Variants in ZCCHC7 observed in about 807,000 individuals in gnomAD.
ZCCHC7 encodes the protein zinc finger CCHC-type containing 7.
ZCCHC7 carries 35 observed loss-of-function variants against 52.0 expected under a neutral mutation model. The ratio of observed to expected loss-of-function variants is 0.67; its 90% CI spans 0.51 to 0.89. The LOEUF is 0.89. ZCCHC7 is among the 40% of genes least tolerant of loss of function. The probability of loss-of-function intolerance (pLI) is 0.00; values close to 1 mark genes in which losing one functional copy is unlikely to be tolerated. For synonymous variants in ZCCHC7, 217 were observed against 221.5 expected (o/e 0.98, Z 0.18); for missense variants, 574 against 649.1 (o/e 0.88, Z 1.26).
chr9:37,177,579 A>C (rs1038431850), intron 2 of ZCCHC7, among the ~76,000 whole-genome samples: 1 of 152,204 alleles, frequency 6.6e-6, no homozygotes, highest in Non-Finnish European at 1.5e-5. Flanking sequence ...GGAGATTATG[A>C]AGTTCAGAAA....
In ZCCHC7 at chr9:37,246,821, G is replaced by A. The variant is rs1192645079; in HGVS notation, c.611-55367G>A. Reference sequence around the variant, plus strand: ...GGAGCATCCATAGATTTTGGTAGCTGAGGCATCTTGGAACCTTGGAACCTC... The same window carrying A: ...GGAGCATCCATAGATTTTGGTAGCTAAGGCATCTTGGAACCTTGGAACCTC... On this transcript the variant is annotated intron_variant, in intron 2 of 8. Transcript: ENST00000336755. Among the ~76,000 whole-genome samples the A allele has an allele frequency of 2.0e-5, 3 of 152,108 alleles. No homozygotes were observed. The South Asian group carries it at 6.2e-4, about 32-fold the overall frequency.
intron 2 of ZCCHC7, among the ~76,000 whole-genome samples, chr9:37,283,567 CTAT>C (rs1828072069): frequency 6.6e-6 from 1 of 151,980 alleles, no homozygotes; most frequent in Non-Finnish European, 1.5e-5. Context: ...TCCTGTTTTC[CTAT>C]TATGACTTTA....
chr9:37,254,837 C>T (rs201229477), intron 2 of ZCCHC7, among the ~76,000 whole-genome samples: 653 of 93,440 alleles, frequency 7.0e-3, no homozygotes, highest in Middle Eastern at 0.021. Flanking sequence ...CAAAAAGTTT[C>T]TTTTTTTTTT....
At chr9:37,202,989 G>A (rs1237265765) in intron 2 of ZCCHC7, among the ~76,000 whole-genome samples, 1 of 152,336 alleles carries the variant, frequency 6.6e-6, no homozygotes, top group East Asian at 1.9e-4. Flanking sequence ...TTCAGCCAAA[G>A]TTTTACAAAA....
intron 2 of ZCCHC7, among the ~76,000 whole-genome samples, chr9:37,159,060 A>C (rs1047373893): frequency 6.6e-6 from 1 of 152,206 alleles, no homozygotes; most frequent in African/African-American, 2.4e-5. Context: ...TCAGAAATAA[A>C]GTTTAGAGAT....
chr9:37,226,222 G>A (rs982965855), intron 2 of ZCCHC7, among the ~76,000 whole-genome samples: 1 of 152,116 alleles, frequency 6.6e-6, no homozygotes, highest in Admixed American at 6.5e-5. Flanking sequence ...AATATTAATA[G>A]TAATCATAGC....
chr9:37,210,427 C>G (rs950064872), intron 2 of ZCCHC7, among the ~76,000 whole-genome samples: 16 of 152,174 alleles, frequency 1.1e-4, no homozygotes, highest in Non-Finnish European at 4.4e-5. Context: ...AGCCCTCATA[C>G]TGTTCATCCT....
At chr9:37,338,377 G>A (rs1335709672) in intron 6 of ZCCHC7, among the ~76,000 whole-genome samples, 3 of 152,080 alleles carry the variant, frequency 2.0e-5, no homozygotes, top group African/African-American at 7.2e-5. Context: ...CTTTAATGTA[G>A]TTTTCGATTT....
At chr9:37,328,246 C>T (rs1304864812) in intron 6 of ZCCHC7, among the ~76,000 whole-genome samples, 1 of 151,948 alleles carries the variant, frequency 6.6e-6, no homozygotes, top group Non-Finnish European at 1.5e-5. Flanking sequence ...TGATATTTTT[C>T]AATGAACCTA....
At chr9:37,145,255 G>A (rs1384843309) in intron 2 of ZCCHC7, among the ~76,000 whole-genome samples, 1 of 151,748 alleles carries the variant, frequency 6.6e-6, no homozygotes, top group Non-Finnish European at 1.5e-5. Context: ...ATTAAAAAAG[G>A]GACCATGTTG....
In ZCCHC7 at chr9:37,123,224, T is replaced by TGC. The variant is rs997149836; in HGVS notation, c.-22+2603_-22+2604dup. ...GTGTGTGTGTGTGTGTGTGTGTGTG[T>TGC]GCGTGTGCGTGTGTGTGTAAAAAAC... On this transcript the variant is annotated intron_variant, in intron 1 of 8. Transcript: ENST00000336755. Among the ~76,000 whole-genome samples, 199 of 124,956 alleles carry TGC rather than the reference T, an allele frequency of 1.6e-3. 2 individuals are homozygous for TGC. Among genetic ancestry groups the TGC allele is most frequent in the African/African-American group, 4.9e-3 (187 of 37,830 alleles). The allele number at this position is 124,956 out of a possible 152,430, so 82.0% of individuals were successfully genotyped here.
intron 2 of ZCCHC7, among the ~76,000 whole-genome samples, chr9:37,271,415 TATTAC>T (rs1827405154): frequency 1.3e-5 from 2 of 152,216 alleles, no homozygotes; most frequent in African/African-American, 4.8e-5. Flanking sequence ...GGACTTAGTT[TATTAC>T]AATGGACCTT....
chr9:37,192,470 A>G (rs1037170118), intron 2 of ZCCHC7, among the ~76,000 whole-genome samples: 2 of 152,200 alleles, frequency 1.3e-5, no homozygotes, highest in Non-Finnish European at 2.9e-5. Flanking sequence ...AAATGTAGAA[A>G]TATATGGAAG....
intron 7 of ZCCHC7, among the ~76,000 whole-genome samples, chr9:37,350,965 A>G (rs1821340180): frequency 6.6e-6 from 1 of 152,240 alleles, no homozygotes; most frequent in Non-Finnish European, 1.5e-5. Context: ...GAGTCCTCAG[A>G]CTGAGAAGTA....
Position 37,356,924 on chromosome 9 carries a change from G to A in ZCCHC7, c.1288G>A (p.Gly430Ser). Residue 430 changes from glycine to serine, a missense_variant, in exon 9 of 9, where the codon GGC becomes AGC. Gly to Ser is a moderately conservative substitution (Grantham distance 56, BLOSUM62 0). This residue lies in a region of ZCCHC7 where 168 missense variants were observed against 171.6 expected (regional missense o/e 0.98). Coordinates refer to ENST00000336755, the MANE Select transcript of ZCCHC7 (RefSeq NM_032226.3). The stretch of plus-strand genomic sequence containing the variant: ...GAACCCCCACCATGATATAAGGAAG[G>A]GCCGTGCCTCATGGAAAAGCAACAG... ...NENPHHDIRK[G>S]RASWKSNRWP... 2 of 1,613,726 alleles carry A rather than the reference G, an allele frequency of 1.2e-6. No individual in the cohort carries two copies. The highest frequency in any genetic ancestry group is 1.7e-6 in the Non-Finnish European group (2 of 1,179,916).
At chr9:37,166,855 T>C (rs1821450542) in intron 2 of ZCCHC7, among the ~76,000 whole-genome samples, 1 of 152,242 alleles carries the variant, frequency 6.6e-6, no homozygotes, top group African/African-American at 2.4e-5. Context: ...TTTGGGATTG[T>C]CCAGAGATCT....
At chr9:37,158,138 T>C (rs1256326713) in intron 2 of ZCCHC7, among the ~76,000 whole-genome samples, 1 of 152,228 alleles carries the variant, frequency 6.6e-6, no homozygotes, top group Admixed American at 6.5e-5. Context: ...ATAAAACAAA[T>C]TGAGAGCATT....
At chr9:37,189,838 ACTGT>A (rs904487327) in intron 2 of ZCCHC7, among the ~76,000 whole-genome samples, 7 of 152,048 alleles carry the variant, frequency 4.6e-5, no homozygotes, top group African/African-American at 1.4e-4. Context: ...CAAACATTGG[ACTGT>A]CTGGGAACTG....
chr9:37,295,656 A>G (rs1223074094), intron 2 of ZCCHC7, among the ~76,000 whole-genome samples: 1 of 152,192 alleles, frequency 6.6e-6, no homozygotes, highest in Non-Finnish European at 1.5e-5. Flanking sequence ...AAAACAGACT[A>G]TGGTGCAAGT....
Sources: gnomAD v4.1 joint callset for allele counts (sites outside exome capture counted in the v4.1 genomes callset) on GRCh38, gnomAD v4.1.1 for gene constraint, gnomAD v4.1.1 regional missense constraint, MANE v1.5 for transcripts, NCBI Gene and HGNC (gene_info 2026-07-23, HGNC 2026-07-21) for gene names.